Variants in SCMH1 observed in about 807,000 individuals in gnomAD.
SCMH1 encodes the protein polycomb protein SCMH1.
SCMH1 carries 37 observed loss-of-function variants against 70.8 expected under a neutral mutation model. That is an observed-to-expected ratio of 0.52 (90% CI 0.40 to 0.69). The LOEUF is 0.69. SCMH1 is among the 30% of genes least tolerant of loss of function. The pLI is 0.00. For missense variants in SCMH1, 607 were observed against 827.3 expected (o/e 0.73, Z 3.27); for synonymous variants, 292 against 307.4 (o/e 0.95, Z 0.52).
At chr1:41,172,206 G>T in intron 2 of SCMH1, among the ~76,000 whole-genome samples, 1 of 147,474 alleles carries the variant, frequency 6.8e-6, no homozygotes. Flanking sequence ...AAAAAACGCT[G>T]TACCAAAAAA....
intron 2 of SCMH1, among the ~76,000 whole-genome samples, chr1:41,172,584 C>A (rs1199178395): frequency 6.6e-6 from 1 of 151,392 alleles, no homozygotes; most frequent in East Asian, 1.9e-4. Context: ...GAAAAAAAAA[C>A]CCTAAAATTT....
chr1:41,058,624 C>T (rs979412199), intron 10 of SCMH1, among the ~76,000 whole-genome samples: 2 of 151,970 alleles, frequency 1.3e-5, no homozygotes, highest in Non-Finnish European at 2.9e-5. Context: ...TTGTGATCCA[C>T]CCGCCTCAGC....
At chr1:41,044,604 C>T (rs1201919839) in intron 12 of SCMH1, among the ~76,000 whole-genome samples, 1 of 152,046 alleles carries the variant, frequency 6.6e-6, no homozygotes, top group African/African-American at 2.4e-5. Flanking sequence ...GCTGAGCACC[C>T]ACGATGAGAA....
chr1:41,217,223 T>C (rs1658280945), intron 1 of SCMH1, among the ~76,000 whole-genome samples: 1 of 152,168 alleles, frequency 6.6e-6, no homozygotes, highest in African/African-American at 2.4e-5. Context: ...CCTTGTTATG[T>C]AGCAGCAGAA....
intron 13 of SCMH1, among the ~76,000 whole-genome samples, chr1:41,033,079 C>T (rs1455770542): frequency 1.3e-5 from 2 of 151,760 alleles, no homozygotes; most frequent in Admixed American, 1.3e-4. Context: ...ACTGCTTGAG[C>T]CCAGGAATTT....
chr1:41,090,539 A>T (rs921538815), intron 8 of SCMH1, among the ~76,000 whole-genome samples: 2 of 152,190 alleles, frequency 1.3e-5, no homozygotes, highest in African/African-American at 4.8e-5. Flanking sequence ...AAACCAAAAA[A>T]AAAAAAGATA....
chr1:41,048,253 C>A (rs188392229), intron 11 of SCMH1, among the ~76,000 whole-genome samples: 21 of 152,278 alleles, frequency 1.4e-4, no homozygotes, highest in African/African-American at 4.8e-4. Context: ...TCCCAACCAC[C>A]CTGGGATTTA....
At chr1:41,055,347 T>C (rs1232167190) in intron 10 of SCMH1, among the ~76,000 whole-genome samples, 2 of 149,680 alleles carry the variant, frequency 1.3e-5, no homozygotes, top group Non-Finnish European at 3.0e-5. Flanking sequence ...CCCAGCTGGA[T>C]TTCGGAATTT....
At chr1:41,171,746 C>A (rs1646795933) in intron 2 of SCMH1, among the ~76,000 whole-genome samples, 1 of 151,992 alleles carries the variant, frequency 6.6e-6, no homozygotes, top group South Asian at 2.1e-4. Flanking sequence ...GAGGAACTTT[C>A]AAAATTGTAG....
intron 2 of SCMH1, among the ~76,000 whole-genome samples, chr1:41,176,212 A>AG (rs1369787622): frequency 6.6e-6 from 1 of 151,250 alleles, no homozygotes; most frequent in Non-Finnish European, 1.5e-5. Flanking sequence ...AAAAAAAAAA[A>AG]GGAAAGAAAG....
At chr1:41,170,513 G>A (rs902926577) in intron 2 of SCMH1, among the ~76,000 whole-genome samples, 3 of 152,178 alleles carry the variant, frequency 2.0e-5, no homozygotes, top group Admixed American at 1.3e-4. Context: ...TGGAGGGAGA[G>A]TCAGGAGTTT....
intron 1 of SCMH1, among the ~76,000 whole-genome samples, chr1:41,238,738 A>C (rs562091213): frequency 1.3e-5 from 2 of 152,314 alleles, no homozygotes; most frequent in South Asian, 4.1e-4. Context: ...CCTCGCTGTC[A>C]CCTAGAACAG....
At chr1:41,075,982 T>C (rs1354747385) in intron 8 of SCMH1, among the ~76,000 whole-genome samples, 6 of 152,230 alleles carry the variant, frequency 3.9e-5, no homozygotes, top group Non-Finnish European at 8.8e-5. Flanking sequence ...CATGTGGAAA[T>C]ATAAATCTGA....
At position 41,121,673 on chromosome 1, in the gene SCMH1, T is replaced by C. The variant is rs549806648; in HGVS notation, c.413-4663A>G. On this transcript the variant is annotated intron_variant, in intron 6 of 14. Transcript: ENST00000337495. ...AATTTATATATCTAGCCAAAACCTC[T>C]GCTCAGGGTTTCATGTTCATATATC... 5.3e-5 allele frequency among the ~76,000 whole-genome samples: 8 copies of C among 152,282 alleles called. 1 individual carries two copies. The highest frequency in any genetic ancestry group is 5.2e-4 in the Admixed American group (8 of 15,292).
chr1:41,133,821 C>G (rs1198817315), intron 6 of SCMH1, among the ~76,000 whole-genome samples: 1 of 152,220 alleles, frequency 6.6e-6, no homozygotes, highest in East Asian at 1.9e-4. Context: ...AGTCCAGGAC[C>G]AGATGGATTC....
intron 1 of SCMH1, among the ~76,000 whole-genome samples, chr1:41,206,864 G>C (rs188295537): frequency 6.6e-6 from 1 of 152,320 alleles, no homozygotes; most frequent in East Asian, 1.9e-4. Flanking sequence ...CTATACGCCA[G>C]AAGCGAGTGG....
intron 12 of SCMH1, 76 bp from the exon 13 acceptor site, chr1:41,037,617 G>A (rs1645490040): frequency 7.5e-7 from 1 of 1,325,802 alleles, no homozygotes; most frequent in East Asian, 2.3e-5. Context: ...TGTTTGAGTG[G>A]AGCAAGCAGC....
intron 1 of SCMH1, among the ~76,000 whole-genome samples, chr1:41,220,859 C>T (rs779617635): frequency 5.9e-5 from 9 of 152,186 alleles, no homozygotes; most frequent in Non-Finnish European, 1.0e-4. Context: ...GCCATCTTGA[C>T]ACAGGTTGGA....
At chr1:41,205,593 G>A (rs572614199) in intron 1 of SCMH1, among the ~76,000 whole-genome samples, 49 of 152,310 alleles carry the variant, frequency 3.2e-4, no homozygotes, top group African/African-American at 1.2e-3. Flanking sequence ...CAGGAAGCTC[G>A]AACTGGGCAG....
Sources: gnomAD v4.1 joint callset for allele counts (sites outside exome capture counted in the v4.1 genomes callset) on GRCh38, gnomAD v4.1.1 for gene constraint, MANE v1.5 for transcripts, NCBI Gene and HGNC (gene_info 2026-07-23, HGNC 2026-07-21) for gene names.